Variants in NBAS observed in about 807,000 individuals in gnomAD.
NBAS encodes NAG/BC035112 fusion.
NBAS carries 219 observed loss-of-function variants against 302.5 expected under a neutral mutation model. The observed-to-expected ratio is 0.72, with a 90% CI of 0.65 to 0.81. The LOEUF is 0.81. Ranked by LOEUF, NBAS falls within the 30% of genes least tolerant of loss-of-function variation. The pLI is 0.00. For synonymous variants in NBAS, 1,118 were observed against 1,021.6 expected, an observed-to-expected ratio of 1.09 and a Z score of -1.80; for missense variants, 2,932 against 2,841.6, an observed-to-expected ratio of 1.03 and a Z score of -0.72.
the NBAS span, among the ~76,000 whole-genome samples, chr2:14,793,662 A>C: frequency 1.3e-5 from 2 of 152,196 alleles, no homozygotes; most frequent in African/African-American, 4.8e-5. Flanking sequence ...GAAATGATCG[A>C]TGAAAAAAAT....
intron 18 of NBAS, 85 bp from the exon 19 acceptor site, chr2:15,467,492 T>C (rs199862147): frequency 7.3e-7 from 1 of 1,367,986 alleles, no homozygotes; most frequent in South Asian, 1.2e-5. Context: ...TAATATTCCG[T>C]TGAGCCCAAA....
chr2:15,137,153 G>T, the NBAS span, among the ~76,000 whole-genome samples: 1 of 152,152 alleles, frequency 6.6e-6, no homozygotes, highest in Non-Finnish European at 1.5e-5. Flanking sequence ...TATCAAACCT[G>T]CCTTCACCTT....
At chr2:14,869,600 C>T in the NBAS span, among the ~76,000 whole-genome samples, 4 of 152,268 alleles carry the variant, frequency 2.6e-5, no homozygotes, top group South Asian at 8.3e-4. Context: ...TCGTCCTCCT[C>T]CACTAATCAT....
chr2:15,059,183 T>C, the NBAS span, among the ~76,000 whole-genome samples: 1 of 152,190 alleles, frequency 6.6e-6, no homozygotes, highest in Non-Finnish European at 1.5e-5. Context: ...TGTGAGATGA[T>C]TGATACAGAG....
intron 29 of NBAS, among the ~76,000 whole-genome samples, chr2:15,380,646 T>C (rs1271672492): frequency 6.6e-6 from 1 of 152,098 alleles, no homozygotes; most frequent in Non-Finnish European, 1.5e-5. Flanking sequence ...TCAATTAACA[T>C]AAAATTACTT....
the NBAS span, among the ~76,000 whole-genome samples, chr2:14,855,168 G>C: frequency 6.6e-6 from 1 of 151,996 alleles, no homozygotes; most frequent in East Asian, 1.9e-4. Flanking sequence ...ACACACCCTG[G>C]GACAGAAAGG....
chr2:15,509,359 G>A (rs1662032241), intron 10 of NBAS, among the ~76,000 whole-genome samples: 1 of 152,126 alleles, frequency 6.6e-6, no homozygotes, highest in African/African-American at 2.4e-5. Context: ...AGGTCCTGCA[G>A]AGAGAATAAA....
the NBAS span, among the ~76,000 whole-genome samples, chr2:14,967,379 G>A: frequency 6.6e-5 from 10 of 152,156 alleles, no homozygotes; most frequent in East Asian, 1.2e-3. Context: ...GATACTACCC[G>A]ATTTCAAGAC....
chr2:15,443,960 C>T (rs1012384175), intron 21 of NBAS, among the ~76,000 whole-genome samples: 1 of 151,674 alleles, frequency 6.6e-6, no homozygotes, highest in African/African-American at 2.4e-5. Context: ...TGTGAAGGAC[C>T]TCTTCAAGGA....
At chr2:15,370,487 G>A (rs139857527) in intron 31 of NBAS, among the ~76,000 whole-genome samples, 2 of 152,196 alleles carry the variant, frequency 1.3e-5, no homozygotes, top group African/African-American at 4.8e-5. Flanking sequence ...AAATAGAGAC[G>A]GGTTTTGCCA....
chr2:14,841,564 C>T, the NBAS span, among the ~76,000 whole-genome samples: 2 of 148,804 alleles, frequency 1.3e-5, no homozygotes, highest in Non-Finnish European at 3.0e-5. Flanking sequence ...AAATAAAAGA[C>T]TGTAAGAGTC....
At chr2:14,905,924 A>G in the NBAS span, among the ~76,000 whole-genome samples, 4 of 152,196 alleles carry the variant, frequency 2.6e-5, no homozygotes, top group Non-Finnish European at 5.9e-5. Context: ...CTTTGTCTCA[A>G]TGTGATAGGC....
chr2:15,090,644 C>A, the NBAS span, among the ~76,000 whole-genome samples: 3 of 152,296 alleles, frequency 2.0e-5, no homozygotes, highest in South Asian at 2.1e-4. Flanking sequence ...CAGAGAGAAT[C>A]CACCTGAGGC....
At chr2:15,062,222 A>T in the NBAS span, among the ~76,000 whole-genome samples, 1 of 152,144 alleles carries the variant, frequency 6.6e-6, no homozygotes, top group African/African-American at 2.4e-5. Context: ...AGGCTTTACA[A>T]TCTCACCTGC....
intron 1 of NBAS, among the ~76,000 whole-genome samples, chr2:15,559,345 G>C (rs1358497336): frequency 6.6e-6 from 1 of 152,142 alleles, no homozygotes; most frequent in African/African-American, 2.4e-5. Flanking sequence ...TATCTGTTGT[G>C]TATCTATACA....
At chr2:14,785,026 G>T in the NBAS span, among the ~76,000 whole-genome samples, 1 of 152,040 alleles carries the variant, frequency 6.6e-6, no homozygotes, top group Non-Finnish European at 1.5e-5. Flanking sequence ...CCTTGAAGAG[G>T]TCCTTCACGT....
chr2:15,477,360 A>G (rs1398998398), intron 13 of NBAS, among the ~76,000 whole-genome samples: 1 of 151,918 alleles, frequency 6.6e-6, no homozygotes, highest in Non-Finnish European at 1.5e-5. Context: ...CTCCCAGGCT[A>G]AAGTGATTCT....
chr2:15,014,528 C>T, the NBAS span, among the ~76,000 whole-genome samples: 1 of 151,908 alleles, frequency 6.6e-6, no homozygotes, highest in Admixed American at 6.6e-5. Flanking sequence ...CCTGACTGAC[C>T]AATGGGTAAA....
chr2:14,995,063 T>A, the NBAS span, among the ~76,000 whole-genome samples: 12 of 152,216 alleles, frequency 7.9e-5, no homozygotes, highest in African/African-American at 2.9e-4. Flanking sequence ...GCATTTTATT[T>A]TATTTTTTTA....
Sources: gnomAD v4.1 joint callset for allele counts (sites outside exome capture counted in the v4.1 genomes callset) on GRCh38, gnomAD v4.1.1 for gene constraint, MANE v1.5 for transcripts, NCBI Gene and HGNC (gene_info 2026-07-23, HGNC 2026-07-21) for gene names.